The following EDIL3 variants were observed in gnomAD, a reference collection of about 807,000 sequenced individuals.
The protein encoded by EDIL3 is EGF-like repeat and discoidin I-like domain-containing protein 3.
A neutral mutation model predicts 67.4 loss-of-function variants in EDIL3; 37 were observed. The observed-to-expected ratio is 0.55, with a 90% confidence interval of 0.42 to 0.72. The LOEUF is 0.72. Ranked by LOEUF, EDIL3 falls within the 30% of genes least tolerant of loss-of-function variation. The pLI is 0.00. For synonymous variants in EDIL3, 195 were observed against 196.3 expected (o/e 0.99, Z 0.05); for missense variants, 527 against 586.3 (o/e 0.90, Z 1.04).
At chr5:84,056,334 G>A (rs1243674459) in intron 9 of EDIL3, among the ~76,000 whole-genome samples, 1 of 119,436 alleles carries the variant, frequency 8.4e-6, no homozygotes, top group Non-Finnish European at 1.7e-5. Context: ...GGTGGGGTGA[G>A]GGGGGAGGTA....
intron 1 of EDIL3, among the ~76,000 whole-genome samples, chr5:84,285,935 A>G (rs1745798790): frequency 6.6e-6 from 1 of 152,166 alleles, no homozygotes; most frequent in African/African-American, 2.4e-5. Context: ...ACAGAACTGA[A>G]ATTATATTAT....
At chr5:84,208,140 C>A (rs1173630480) in intron 3 of EDIL3, among the ~76,000 whole-genome samples, 2 of 152,140 alleles carry the variant, frequency 1.3e-5, no homozygotes, top group African/African-American at 4.8e-5. Flanking sequence ...ATTTTCGCAA[C>A]CTACTCATCT....
chr5:84,169,432 C>T (rs1276294889), intron 4 of EDIL3, among the ~76,000 whole-genome samples: 1 of 151,852 alleles, frequency 6.6e-6, no homozygotes, highest in Non-Finnish European at 1.5e-5. Context: ...TGTAATTAGG[C>T]TCTATAGAAT....
At chr5:84,136,472 C>CT (rs201611074) in intron 5 of EDIL3, among the ~76,000 whole-genome samples, 47 of 151,394 alleles carry the variant, frequency 3.1e-4, no homozygotes, top group East Asian at 1.2e-3. Context: ...TTTTTCCCAG[C>CT]TTTTTTTTTC....
chr5:84,190,637 G>A (rs1295986096), intron 3 of EDIL3, among the ~76,000 whole-genome samples: 1 of 149,764 alleles, frequency 6.7e-6, no homozygotes, highest in East Asian at 2.0e-4. Flanking sequence ...AGTTTCAGGG[G>A]CATCAAGCAA....
chr5:84,318,112 G>A (rs1396042957), intron 1 of EDIL3, among the ~76,000 whole-genome samples: 1 of 152,070 alleles, frequency 6.6e-6, no homozygotes, highest in African/African-American at 2.4e-5. Context: ...GGTATGTGAA[G>A]GACCTCTTCA....
intron 3 of EDIL3, among the ~76,000 whole-genome samples, chr5:84,207,027 T>A (rs1246837818): frequency 6.6e-6 from 1 of 152,082 alleles, no homozygotes; most frequent in African/African-American, 2.4e-5. Flanking sequence ...TTCAACATAG[T>A]GTTGGAAGTT....
At chr5:84,345,837 A>T (rs1580091436) in intron 1 of EDIL3, among the ~76,000 whole-genome samples, 1 of 152,336 alleles carries the variant, frequency 6.6e-6, no homozygotes, top group East Asian at 1.9e-4. Context: ...CATGCTAGCA[A>T]AAACTAATTC....
intron 4 of EDIL3, among the ~76,000 whole-genome samples, chr5:84,177,374 T>C (rs548385464): frequency 6.6e-6 from 1 of 152,218 alleles, no homozygotes; most frequent in Admixed American, 6.5e-5. Flanking sequence ...TTACATGACA[T>C]TCTGGAAAAG....
intron 5 of EDIL3, among the ~76,000 whole-genome samples, chr5:84,123,376 T>C (rs1309748931): frequency 6.6e-6 from 1 of 152,026 alleles, no homozygotes; most frequent in East Asian, 1.9e-4. Flanking sequence ...GTGTTTCATG[T>C]ATGTACACAA....
At chr5:84,117,033 T>TTTTA (rs1554068683) in intron 5 of EDIL3, among the ~76,000 whole-genome samples, 1 of 137,128 alleles carries the variant, frequency 7.3e-6, no homozygotes, top group Non-Finnish European at 1.6e-5. Flanking sequence ...TTTTTTTTTT[T>TTTTA]TTTTTTTTTT....
chr5:84,025,941 G>A (rs1745802287), intron 9 of EDIL3, among the ~76,000 whole-genome samples: 1 of 152,042 alleles, frequency 6.6e-6, no homozygotes, highest in Non-Finnish European at 1.5e-5. Flanking sequence ...GGAATTAATT[G>A]GGACTGAACA....
chr5:84,322,686 T>G (rs1007925802), intron 1 of EDIL3, among the ~76,000 whole-genome samples: 1 of 152,002 alleles, frequency 6.6e-6, no homozygotes, highest in Non-Finnish European at 1.5e-5. Flanking sequence ...TCAAATTTGA[T>G]AACAGACATA....
chr5:84,244,549 A>G lies in EDIL3; in HGVS notation c.196+9535T>C, dbSNP rs541401666. ...AGTGAACTGCCCGCCTTGGTCTCCC[A>G]AAGTACTGGGATTACAGGCATGAGC... On this transcript the variant is annotated intron_variant, in intron 2 of 10. Transcript: ENST00000296591. Among the ~76,000 whole-genome samples the G allele has an allele frequency of 3.3e-5, 5 of 151,902 alleles. No homozygotes were observed. In the East Asian group the frequency reaches 7.8e-4, roughly 24 times the overall value.
chr5:84,110,884 G>T (rs750460697), intron 5 of EDIL3, among the ~76,000 whole-genome samples: 1 of 152,232 alleles, frequency 6.6e-6, no homozygotes, highest in East Asian at 1.9e-4. Flanking sequence ...CACAAGTTGG[G>T]ATCCACTGCA....
chr5:84,254,227 A>C lies in EDIL3; in HGVS notation c.68-15T>G. 1 of 1,595,662 alleles carries C rather than the reference A, an allele frequency of 6.3e-7. No homozygotes were observed. Among genetic ancestry groups the C allele is most frequent in the South Asian group, 1.2e-5 (1 of 86,656 alleles). ...ACAAATATCACCTAAGGCATAAAAA[A>C]AAACCGAAATTGACATTTTTTTTTT... On this transcript the variant is annotated splice_polypyrimidine_tract_variant and intron_variant, in intron 1 of 10. Transcript: ENST00000296591.
chr5:84,086,866 G>A (rs1055338634), intron 6 of EDIL3, among the ~76,000 whole-genome samples: 2 of 152,122 alleles, frequency 1.3e-5, no homozygotes, highest in African/African-American at 2.4e-5. Context: ...TCGTTACCCA[G>A]TGTATATACC....
chr5:84,093,098 C>G (rs1747196141), intron 6 of EDIL3, among the ~76,000 whole-genome samples: 1 of 152,110 alleles, frequency 6.6e-6, no homozygotes, highest in Non-Finnish European at 1.5e-5. Flanking sequence ...TCTATAACAG[C>G]CGAACATAGT....
In EDIL3 at chr5:84,250,558, G is replaced by A. The variant is rs572682396; in HGVS notation, c.196+3526C>T. 9.8e-5 allele frequency among the ~76,000 whole-genome samples: 15 copies of A among 152,342 alleles called. No homozygotes were observed. The East Asian group carries it at 2.7e-3, about 27-fold the overall frequency. ...GAAGAATAAAAGTACAAAACTGGAT[G>A]AGGATCGCTTGAAATAAATATCAAC... On this transcript the variant is annotated intron_variant, in intron 2 of 10. Coordinates refer to ENST00000296591, the MANE Select transcript of EDIL3 (RefSeq NM_005711.5).
Sources: allele counts gnomAD v4.1 joint callset (sites outside exome capture counted in the v4.1 genomes callset), GRCh38; gene constraint gnomAD v4.1.1; transcripts MANE v1.5; gene names NCBI Gene and HGNC (gene_info 2026-07-23, HGNC 2026-07-21).